GSE1: variants seen among roughly 807,000 people sequenced by gnomAD.
GSE1 encodes genetic suppressor element 1.
In GSE1, 32 loss-of-function variants were observed where a neutral mutation model predicts 112.6. That is an observed-to-expected ratio of 0.28 (90% confidence interval 0.21 to 0.38). The LOEUF (loss-of-function observed/expected upper bound fraction) is 0.38, where lower values mean the gene tolerates loss of function less well. Among genes scored for constraint, GSE1 ranks in the 10% least tolerant of loss-of-function variants. GSE1 has a pLI of 1.00. For synonymous variants in GSE1, 1,115 were observed against 735.6 expected (o/e 1.52, Z -8.35); for missense variants, 2,348 against 1,699.2 (o/e 1.38, Z -6.71).
chr16:85,655,719 T>C lies in GSE1; in HGVS notation c.798-7T>C. On this transcript the variant is annotated splice_polypyrimidine_tract_variant and splice_region_variant and intron_variant, in intron 5 of 15. Coordinates refer to ENST00000253458, the MANE Select transcript of GSE1 (RefSeq NM_014615.5). ...TTGCTGCTCACAGCCCCGTCTTCTC[T>C]GCACAGGATGGACGACTCCTACTGC... 6.3e-7 allele frequency: 1 copy of C among 1,585,784 alleles called. No individual in the cohort carries two copies. The highest frequency in any genetic ancestry group is 8.6e-7 in the Non-Finnish European group (1 of 1,164,372).
chr16:85,625,511 G>A (rs1468870764), intron 1 of GSE1, among the ~76,000 whole-genome samples: 2 of 152,184 alleles, frequency 1.3e-5, no homozygotes, highest in Non-Finnish European at 2.9e-5. Flanking sequence ...GGCCCCCCAG[G>A]TGACACCCCT....
chr16:85,645,218 C>T (rs1598543169), intron 2 of GSE1, among the ~76,000 whole-genome samples: 1 of 152,060 alleles, frequency 6.6e-6, no homozygotes, highest in African/African-American at 2.4e-5. Flanking sequence ...TGGGTCACGC[C>T]TCAGGGGCAG....
At chr16:85,506,401 T>C (rs1481608695) in intron 2 of GSE1, among the ~76,000 whole-genome samples, 2 of 151,910 alleles carry the variant, frequency 1.3e-5, no homozygotes, top group Non-Finnish European at 2.9e-5. Context: ...GCTCAGCTGA[T>C]GGATGGCGTC....
At chr16:85,417,089 C>T (rs1456141388) in intron 2 of GSE1, among the ~76,000 whole-genome samples, 3 of 152,190 alleles carry the variant, frequency 2.0e-5, no homozygotes, top group Admixed American at 6.5e-5. Flanking sequence ...CTTATGGGCT[C>T]AATCGGTCCC....
chr16:85,471,109 G>A (rs1186514520), intron 2 of GSE1, among the ~76,000 whole-genome samples: 2 of 152,082 alleles, frequency 1.3e-5, no homozygotes, highest in Non-Finnish European at 2.9e-5. Context: ...CACGTGAGAG[G>A]TGCACGGCTC....
chr16:85,421,147 A>G (rs1003255714), intron 2 of GSE1, among the ~76,000 whole-genome samples: 1 of 152,186 alleles, frequency 6.6e-6, no homozygotes, highest in Non-Finnish European at 1.5e-5. Flanking sequence ...AGTGTGTGTT[A>G]AACCAAGAGA....
At chr16:85,260,358 C>CT (rs1467562694) in intron 1 of GSE1, among the ~76,000 whole-genome samples, 7 of 99,910 alleles carry the variant, frequency 7.0e-5, no homozygotes, top group Non-Finnish European at 1.3e-4. Flanking sequence ...GAGTCTCGTT[C>CT]TGTTGCCCAG....
At chr16:85,430,866 G>A (rs968155280) in intron 2 of GSE1, among the ~76,000 whole-genome samples, 11 of 152,230 alleles carry the variant, frequency 7.2e-5, no homozygotes, top group African/African-American at 1.7e-4. Flanking sequence ...GCCCTGCCCC[G>A]GGGTCTCAGA....
chr16:85,303,222 TG>T (rs991245131), intron 1 of GSE1, among the ~76,000 whole-genome samples: 6 of 152,332 alleles, frequency 3.9e-5, no homozygotes, highest in Middle Eastern at 3.4e-3. Flanking sequence ...GAGTTTTCCA[TG>T]GGACCCACTG....
At chr16:85,278,234 C>G (rs1010967167) in intron 1 of GSE1, among the ~76,000 whole-genome samples, 1 of 152,186 alleles carries the variant, frequency 6.6e-6, no homozygotes, top group Admixed American at 6.5e-5. Flanking sequence ...TCCTCTGACC[C>G]AGGCCCTTTG....
In GSE1 at chr16:85,675,120, G is replaced by C. The variant is rs1411833628; in HGVS notation, c.*2581G>C. ...AAAGAACACAGTAGCACCTAAATCT[G>C]TTTTCAATTGGGCTTAAAAATTGAC... On this transcript the variant is annotated 3_prime_UTR_variant, in exon 16 of 16. Transcript: ENST00000253458. 1 of 152,060 alleles carries C rather than the reference G, an allele frequency of 6.6e-6. No individual in the cohort carries two copies. The highest frequency in any genetic ancestry group is 1.9e-4 in the East Asian group (1 of 5,192). The allele number at this position is 152,060 out of a possible 1,614,324, so 9.4% of individuals were successfully genotyped here.
At chr16:85,209,344 G>A (rs1030689899) in intron 1 of GSE1, among the ~76,000 whole-genome samples, 4 of 152,128 alleles carry the variant, frequency 2.6e-5, no homozygotes, top group Admixed American at 2.0e-4. Flanking sequence ...GTCCTTGTTC[G>A]TGACCTCGAT....
chr16:85,523,089 G>T (rs994526648), intron 2 of GSE1, among the ~76,000 whole-genome samples: 2 of 151,780 alleles, frequency 1.3e-5, no homozygotes, highest in African/African-American at 4.8e-5. Context: ...TGTGTGGCCT[G>T]TGTGTGTTGT....
At position 85,655,006 on chromosome 16, in the gene GSE1, A is replaced by C; in HGVS notation, c.797+15A>C. 1 of 1,494,522 alleles carries C rather than the reference A, an allele frequency of 6.7e-7. No homozygotes were observed. Among genetic ancestry groups the C allele is most frequent in the Non-Finnish European group, 9.2e-7 (1 of 1,090,044 alleles). The allele number at this position is 1,494,522 out of a possible 1,614,324, so 92.6% of individuals were successfully genotyped here. A position where few individuals can be genotyped will look rare whatever the true frequency, so the allele number is the denominator to read the frequency against. ...CCGGCCTTCAGGTGAGGCATCCCCC[A>C]CGCGCCCTCTCGTCTAGGTGCTGGC... On this transcript the variant is annotated intron_variant, in intron 5 of 15. Transcript: ENST00000253458.
At chr16:85,650,171 C>T (rs1331061214) in intron 3 of GSE1, among the ~76,000 whole-genome samples, 1 of 152,168 alleles carries the variant, frequency 6.6e-6, no homozygotes, top group East Asian at 1.9e-4. Context: ...GGACCCTGGC[C>T]ACAGGGGCCT....
chr16:85,349,534 C>G (rs1314026644), intron 1 of GSE1, among the ~76,000 whole-genome samples: 1 of 152,020 alleles, frequency 6.6e-6, no homozygotes, highest in African/African-American at 2.4e-5. Flanking sequence ...GTGTCCCCAG[C>G]AGGGGCAGGG....
chr16:85,617,808 C>G (rs2048473127), intron 1 of GSE1, among the ~76,000 whole-genome samples: 1 of 152,060 alleles, frequency 6.6e-6, no homozygotes, highest in African/African-American at 2.4e-5. Context: ...TTCAGGAGAC[C>G]TGGGGTCTCT....
In GSE1 at chr16:85,184,648, G is replaced by A. The variant is rs115565683; in HGVS notation, c.2283+12841G>A. On this transcript the variant is annotated intron_variant, in intron 1 of 2. Coordinates refer to the GSE1 transcript ENST00000637419. ...AGCTGCACCCCACACTTTGTGATAAGTCATTTCTCATTCTCATCTCATTTG... is the reference window on the plus strand; with the variant it reads ...AGCTGCACCCCACACTTTGTGATAAATCATTTCTCATTCTCATCTCATTTG... Among the ~76,000 whole-genome samples, 839 of 152,268 alleles carry A rather than the reference G, an allele frequency of 5.5e-3. 7 individuals are homozygous for A. The highest frequency in any genetic ancestry group is 0.019 in the African/African-American group (798 of 41,546).
chr16:85,521,276 G>A (rs1470465405), intron 2 of GSE1, among the ~76,000 whole-genome samples: 1 of 152,200 alleles, frequency 6.6e-6, no homozygotes, highest in Non-Finnish European at 1.5e-5. Flanking sequence ...TAAACCCAAA[G>A]AGTGACCCTG....
Sources: gnomAD v4.1 joint callset for allele counts (sites outside exome capture counted in the v4.1 genomes callset) on GRCh38, gnomAD v4.1.1 for gene constraint, MANE v1.5 for transcripts, NCBI Gene and HGNC (gene_info 2026-07-23, HGNC 2026-07-21) for gene names.